FCHO2: variants seen among roughly 807,000 people sequenced by gnomAD.
The protein encoded by FCHO2 is F-BAR domain only protein 2.
Under a neutral mutation model 114.1 loss-of-function variants are expected in FCHO2, and 43 were observed. The observed-to-expected ratio is 0.38, with a 90% CI of 0.30 to 0.49. FCHO2 has a LOEUF of 0.49. Among genes scored for constraint, FCHO2 ranks in the 20% least tolerant of loss-of-function variants. The probability of loss-of-function intolerance (pLI) is 0.97; values close to 1 mark genes in which losing one functional copy is unlikely to be tolerated. For missense variants in FCHO2, 807 were observed against 950.4 expected, an observed-to-expected ratio of 0.85 and a Z score of 1.98; for synonymous variants, 293 against 315.2, an observed-to-expected ratio of 0.93 and a Z score of 0.75.
At chr5:73,074,889 A>G (rs375832806) in intron 20 of FCHO2, 36 bp downstream of exon 20, 27 of 1,537,374 alleles carry the variant, frequency 1.8e-5, no homozygotes, top group Non-Finnish European at 2.3e-5. Flanking sequence ...ATGTGTATGT[A>G]TGTGTGTTGG....
intron 8 of FCHO2, among the ~76,000 whole-genome samples, chr5:73,032,812 A>G (rs1239345557): frequency 6.6e-6 from 1 of 152,174 alleles, no homozygotes; most frequent in Non-Finnish European, 1.5e-5. Flanking sequence ...ATTTTTGACT[A>G]ACCACATGCC....
intron 11 of FCHO2, among the ~76,000 whole-genome samples, chr5:73,049,790 T>G (rs1757256338): frequency 6.6e-6 from 1 of 152,226 alleles, no homozygotes; most frequent in South Asian, 2.1e-4. Context: ...TACTCCCAGC[T>G]AGATTATTTT....
chr5:73,059,949 T>C (rs955599230), intron 17 of FCHO2, among the ~76,000 whole-genome samples: 5 of 152,068 alleles, frequency 3.3e-5, no homozygotes, highest in Non-Finnish European at 7.4e-5. Context: ...TCGAATTTTG[T>C]TAATATCCCC....
At chr5:72,971,291 G>A (rs1225692064) in intron 2 of FCHO2, among the ~76,000 whole-genome samples, 3 of 151,828 alleles carry the variant, frequency 2.0e-5, no homozygotes, top group African/African-American at 7.2e-5. Flanking sequence ...CTTCCACAGT[G>A]GTTGAACTAG....
chr5:73,008,349 C>T (rs527871564), intron 6 of FCHO2, among the ~76,000 whole-genome samples: 48 of 151,982 alleles, frequency 3.2e-4, no homozygotes, highest in Non-Finnish European at 4.7e-4. Flanking sequence ...TGAGGGCCAG[C>T]GTAGTGGTCT....
chr5:73,031,356 G>A (rs1484544606), intron 8 of FCHO2, among the ~76,000 whole-genome samples: 3 of 152,304 alleles, frequency 2.0e-5, no homozygotes, highest in Non-Finnish European at 4.4e-5. Context: ...GCAGAAATAT[G>A]CTTGATTTGA....
intron 13 of FCHO2, among the ~76,000 whole-genome samples, chr5:73,053,864 C>T (rs913017660): frequency 2.0e-5 from 3 of 149,842 alleles, no homozygotes; most frequent in African/African-American, 4.9e-5. Context: ...TTTAAATTTT[C>T]TCTTTTGTAC....
intron 1 of FCHO2, among the ~76,000 whole-genome samples, chr5:72,963,619 G>A (rs1187884652): frequency 6.6e-6 from 1 of 151,916 alleles, no homozygotes; most frequent in Non-Finnish European, 1.5e-5. Flanking sequence ...CACCATCATA[G>A]CTCACTGCAG....
In FCHO2 at chr5:72,976,174, G is replaced by A. The variant is rs1236454365; in HGVS notation, c.125+7585G>A. Reference sequence around the variant, plus strand: ...TTCTAGATTTTGGCTGTTCCAATAAGTATATAGTGGTATCTTATCATTGTT... The same window carrying A: ...TTCTAGATTTTGGCTGTTCCAATAAATATATAGTGGTATCTTATCATTGTT... On this transcript the variant is annotated intron_variant, in intron 2 of 25. Coordinates refer to ENST00000430046, the MANE Select transcript of FCHO2 (RefSeq NM_138782.3). Among the ~76,000 whole-genome samples, 4 of 152,290 alleles carry A rather than the reference G, an allele frequency of 2.6e-5. No individual in the cohort carries two copies. The East Asian group carries it at 5.8e-4, about 22-fold the overall frequency.
At position 72,975,952 on chromosome 5, in the gene FCHO2, G is replaced by C. The variant is rs150549119; in HGVS notation, c.125+7363G>C. 4.2e-3 allele frequency among the ~76,000 whole-genome samples: 642 copies of C among 152,268 alleles called. 3 individuals are homozygous for C. Among genetic ancestry groups the C allele is most frequent in the African/African-American group, 0.015 (626 of 41,556 alleles). On this transcript the variant is annotated intron_variant, in intron 2 of 25. Coordinates refer to ENST00000430046, the MANE Select transcript of FCHO2 (RefSeq NM_138782.3). Reference sequence around the variant, plus strand: ...AGTAAACATCTGTGTGCAGGTTTTCGTGTGAACATAAGTTTTAATTTAATT... The same window carrying C: ...AGTAAACATCTGTGTGCAGGTTTTCCTGTGAACATAAGTTTTAATTTAATT...
At chr5:73,033,612 T>C (rs780432999) in intron 8 of FCHO2, among the ~76,000 whole-genome samples, 1 of 152,144 alleles carries the variant, frequency 6.6e-6, no homozygotes, top group Non-Finnish European at 1.5e-5. Flanking sequence ...TTTCTTCATA[T>C]AGCAAGTTAT....
chr5:72,989,701 A>G (rs1430653111), intron 3 of FCHO2, among the ~76,000 whole-genome samples, 200 bp downstream of exon 3: 1 of 152,188 alleles, frequency 6.6e-6, no homozygotes, highest in Non-Finnish European at 1.5e-5. Context: ...TCAAAACTAA[A>G]TGAAATTTAT....
At chr5:73,056,017 T>C in intron 15 of FCHO2, 48 bp from the exon 16 acceptor site, 1 of 1,269,688 alleles carries the variant, frequency 7.9e-7, no homozygotes. Context: ...CATTAAAATA[T>C]TTTATTTCTC....
At chr5:73,063,780 T>A in intron 17 of FCHO2, 61 bp from the exon 18 acceptor site, 1 of 1,433,522 alleles carries the variant, frequency 7.0e-7, no homozygotes, top group African/African-American at 1.4e-5. Flanking sequence ...TAGAATGTCT[T>A]TATGTAAGGA....
At chr5:73,073,944 T>C (rs1176214815) in intron 19 of FCHO2, among the ~76,000 whole-genome samples, 2 of 152,088 alleles carry the variant, frequency 1.3e-5, no homozygotes, top group Non-Finnish European at 2.9e-5. Context: ...GCTCCCACTT[T>C]GGAAAATCAG....
At chr5:73,067,575 C>T (rs2112871874) in intron 18 of FCHO2, among the ~76,000 whole-genome samples, 1 of 151,936 alleles carries the variant, frequency 6.6e-6, no homozygotes, top group East Asian at 1.9e-4. Context: ...TATATTCATG[C>T]AATGAAGAAT....
At chr5:73,067,537 G>A (rs1432055485) in intron 18 of FCHO2, among the ~76,000 whole-genome samples, 1 of 152,046 alleles carries the variant, frequency 6.6e-6, no homozygotes, top group Non-Finnish European at 1.5e-5. Context: ...TAAAATGACA[G>A]TTTTATTAAA....
chr5:72,976,830 T>A (rs930145106), intron 2 of FCHO2, among the ~76,000 whole-genome samples: 2 of 145,716 alleles, frequency 1.4e-5, no homozygotes, highest in Non-Finnish European at 3.0e-5. Flanking sequence ...CCTCCCTGTG[T>A]CCATGTGTTC....
intron 20 of FCHO2, among the ~76,000 whole-genome samples, chr5:73,075,754 G>A: frequency 6.6e-6 from 1 of 152,062 alleles, no homozygotes; most frequent in East Asian, 1.9e-4. Context: ...TATTAGCAGA[G>A]CAGGTGATGA....
Sources: gnomAD v4.1 joint callset for allele counts (sites outside exome capture counted in the v4.1 genomes callset) on GRCh38, gnomAD v4.1.1 for gene constraint, MANE v1.5 for transcripts, NCBI Gene and HGNC (gene_info 2026-07-23, HGNC 2026-07-21) for gene names.